Variants in NPLOC4 observed in about 807,000 individuals in gnomAD.
NPLOC4 encodes nuclear protein localization protein 4 homolog.
NPLOC4 carries 18 observed loss-of-function variants against 80.6 expected under a neutral mutation model. The observed-to-expected ratio is 0.22, with a 90% CI of 0.15 to 0.33. The LOEUF (loss-of-function observed/expected upper bound fraction) is 0.33, where lower values mean the gene tolerates loss of function less well. NPLOC4 is among the 10% of genes least tolerant of loss of function. The pLI is 1.00. For synonymous variants in NPLOC4, 313 were observed against 301.5 expected (o/e 1.04, Z -0.39); for missense variants, 540 against 786.1 (o/e 0.69, Z 3.74).
At chr17:81,569,178 C>T in intron 13 of NPLOC4, 67 bp from the exon 14 acceptor site, 2 of 1,014,316 alleles carry the variant, frequency 2.0e-6, no homozygotes, top group Non-Finnish European at 3.1e-6. Context: ...TCCCAGCCAG[C>T]CCAGAGCATC....
At position 81,613,360 on chromosome 17, in the gene NPLOC4, C is replaced by T. The variant is rs758412975; in HGVS notation, c.344G>A (p.Ser115Asn). 6.2e-7 allele frequency: 1 copy of T among 1,613,968 alleles called. No individual in the cohort carries two copies. Among genetic ancestry groups the T allele is most frequent in the Admixed American group, 1.7e-5 (1 of 60,000 alleles). The change falls in exon 4 of 17, where the codon AGC (serine) becomes AAC (asparagine). Residue 115 changes from serine (S) to asparagine (N), a missense_variant. Ser to Asn is a conservative substitution (Grantham distance 46). This residue lies in a region of NPLOC4 where 74 missense variants were observed against 75.7 expected (regional missense o/e 0.98). Transcript: ENST00000331134. Reference protein sequence around the residue: ...VVEDEIDQYLSKQDGKIYRSR... With the variant: ...VVEDEIDQYLNKQDGKIYRSR... ...TCTGTAAATCTTCCCGTCCTGTTTG[C>T]TGAGGTACTGATCAATCTCATCCTC...
chr17:81,636,711 C>T (rs1054219522), intron 1 of NPLOC4, among the ~76,000 whole-genome samples: 3 of 152,142 alleles, frequency 2.0e-5, no homozygotes, highest in African/African-American at 7.2e-5. Flanking sequence ...GGTCGTAAGT[C>T]CCCTGGGGAG....
At chr17:81,626,251 G>A (rs1025948026) in intron 2 of NPLOC4, among the ~76,000 whole-genome samples, 3 of 151,802 alleles carry the variant, frequency 2.0e-5, no homozygotes, top group Admixed American at 1.3e-4. Flanking sequence ...CGGAGGCGGA[G>A]GTTGCAGTCA....
intron 15 of NPLOC4, 72 bp from the exon 16 acceptor site, chr17:81,565,679 C>G: frequency 8.7e-7 from 1 of 1,153,326 alleles, no homozygotes; most frequent in Non-Finnish European, 1.2e-6. Context: ...GAACAGGTTT[C>G]TTTCTCCCCA....
At chr17:81,573,818 C>T (rs909170477) in intron 12 of NPLOC4, among the ~76,000 whole-genome samples, 5 of 152,210 alleles carry the variant, frequency 3.3e-5, no homozygotes, top group African/African-American at 1.2e-4. Flanking sequence ...TATTGCTCCC[C>T]GCCCCATCAA....
At chr17:81,596,362 C>A in intron 10 of NPLOC4, 120 bp from the exon 11 acceptor site, 1 of 1,177,660 alleles carries the variant, frequency 8.5e-7, no homozygotes, top group Non-Finnish European at 1.2e-6. Flanking sequence ...AATTCCAGCA[C>A]TTTGAGAGGT....
intron 13 of NPLOC4, among the ~76,000 whole-genome samples, chr17:81,569,676 G>T (rs1225625133): frequency 6.6e-6 from 1 of 152,224 alleles, no homozygotes; most frequent in Non-Finnish European, 1.5e-5. Flanking sequence ...CCAGGCAGGG[G>T]TGAATGTAAG....
chr17:81,631,824 A>T (rs2035940360), intron 1 of NPLOC4, among the ~76,000 whole-genome samples: 1 of 151,636 alleles, frequency 6.6e-6, no homozygotes, highest in African/African-American at 2.4e-5. Context: ...CCCGAGATGA[A>T]GTTTCAATCT....
In NPLOC4 at chr17:81,630,431, C is replaced by T. The variant is rs144198198; in HGVS notation, c.16-626G>A. ...GCCTCCCGAGAGCTGGAACCACAGG[C>T]TTGCACCACCACACCAGGTTAATTT... On this transcript the variant is annotated intron_variant, in intron 1 of 16. Transcript: ENST00000331134. Among the ~76,000 whole-genome samples, 7 of 152,224 alleles carry T rather than the reference C, an allele frequency of 4.6e-5. No homozygotes were observed. In the East Asian group the frequency reaches 1.4e-3, roughly 29 times the overall value.
chr17:81,577,452 C>T lies in NPLOC4; in HGVS notation c.1282-5364G>A, dbSNP rs939253095. On this transcript the variant is annotated intron_variant, in intron 12 of 16. Coordinates refer to ENST00000331134, the MANE Select transcript of NPLOC4 (RefSeq NM_017921.4). This position sits in a 1 kb window ranked among gnomAD's most constrained non-coding sequence, Gnocchi z 4.3. ...CTCATCTACTTCCGGGTTAGCTCAA[C>T]GCCCTCTTCTTTTCTCCCTCTGAAC... is the stretch of plus-strand genomic sequence containing the variant. Among the ~76,000 whole-genome samples the T allele has an allele frequency of 3.3e-5, 5 of 152,002 alleles. No individual in the cohort carries two copies. Among genetic ancestry groups the T allele is most frequent in the East Asian group, 3.9e-4 (2 of 5,186 alleles).
At chr17:81,600,277 C>G (rs1397718143) in intron 9 of NPLOC4, 64 bp downstream of exon 9, 1 of 1,210,546 alleles carries the variant, frequency 8.3e-7, no homozygotes, top group African/African-American at 1.5e-5. Context: ...CCCAACTCCC[C>G]CTGGCCTGGA....
intron 11 of NPLOC4, among the ~76,000 whole-genome samples, chr17:81,592,560 G>A (rs962315996): frequency 6.6e-6 from 1 of 152,084 alleles, no homozygotes; most frequent in Non-Finnish European, 1.5e-5. Flanking sequence ...AAAGCCCAAG[G>A]ATGATCTATA....
In NPLOC4 at chr17:81,567,949, C is replaced by T. The variant is rs139754645; in HGVS notation, c.1450-416G>A. 280 of 182,918 alleles carry T rather than the reference C, an allele frequency of 1.5e-3. 2 individuals are homozygous for T. The highest frequency in any genetic ancestry group is 6.4e-3 in the African/African-American group (270 of 42,154). The allele number at this position is 182,918 out of a possible 1,614,324, so 11.3% of individuals were successfully genotyped here. A position where few individuals can be genotyped will look rare whatever the true frequency, so the allele number is the denominator to read the frequency against. On this transcript the variant is annotated intron_variant, in intron 14 of 16. Transcript: ENST00000331134. This position sits in a 1 kb window ranked among gnomAD's most constrained non-coding sequence, Gnocchi z 4.5. ...AAAAAATTACCCAGGCTTGGTGGCG[C>T]GCACCTATAATCCCAGCTACTCAGG...
intron 14 of NPLOC4, 40 bp downstream of exon 14, chr17:81,568,976 C>G (rs890699714): frequency 2.5e-6 from 3 of 1,204,888 alleles, no homozygotes. Context: ...TAACAATCAG[C>G]AGTTACCTTA....
intron 11 of NPLOC4, among the ~76,000 whole-genome samples, chr17:81,591,177 G>A (rs979272981): frequency 2.6e-5 from 4 of 152,166 alleles, no homozygotes; most frequent in African/African-American, 9.7e-5. Flanking sequence ...GTTCACGCCT[G>A]TAATTCCAGC....
chr17:81,627,089 CAA>C (rs879270535), intron 2 of NPLOC4, among the ~76,000 whole-genome samples: 1 of 124,164 alleles, frequency 8.1e-6, no homozygotes. Flanking sequence ...GACTTCGTCT[CAA>C]AAAAAAAAAA....
intron 1 of NPLOC4, among the ~76,000 whole-genome samples, chr17:81,631,438 T>TATATATATATATATATATATATATA (rs1568170977): frequency 3.9e-5 from 1 of 25,924 alleles, no homozygotes; most frequent in African/African-American, 1.3e-4. Flanking sequence ...ATATATATAT[T>TATATATATATATATATATATATATA]TTTTTTTTTT....
chr17:81,621,047 A>AAAAG (rs1302028045), intron 3 of NPLOC4, among the ~76,000 whole-genome samples: 2 of 151,924 alleles, frequency 1.3e-5, no homozygotes, highest in Admixed American at 1.3e-4. Context: ...AAGGAAAAGG[A>AAAAG]AAAGAAAGGA....
intron 13 of NPLOC4, among the ~76,000 whole-genome samples, chr17:81,569,797 G>C (rs1406047897): frequency 6.6e-6 from 1 of 152,208 alleles, no homozygotes; most frequent in Non-Finnish European, 1.5e-5. Flanking sequence ...AATGACAACA[G>C]AGGGCACTTT....
Sources: allele counts gnomAD v4.1 joint callset (sites outside exome capture counted in the v4.1 genomes callset), GRCh38; gene constraint gnomAD v4.1.1; regional missense constraint gnomAD v4.1.1; non-coding constraint Gnocchi (gnomAD v3.1); transcripts MANE v1.5; gene names NCBI Gene and HGNC (gene_info 2026-07-23, HGNC 2026-07-21).